SLC4A5: variants seen among roughly 807,000 people sequenced by gnomAD.
SLC4A5 encodes electrogenic sodium bicarbonate cotransporter 4.
In SLC4A5, 96 loss-of-function variants were observed where a neutral mutation model predicts 120.4. The ratio of observed to expected loss-of-function variants is 0.80; its 90% CI spans 0.68 to 0.94. The LOEUF is 0.94. Among genes scored for constraint, SLC4A5 ranks in the 40% least tolerant of loss-of-function variants. SLC4A5 has a pLI of 0.00. For synonymous variants in SLC4A5, 550 were observed against 571.1 expected, an observed-to-expected ratio of 0.96 and a Z score of 0.53; for missense variants, 1,259 against 1,459.5, an observed-to-expected ratio of 0.86 and a Z score of 2.24.
At chr2:74,319,431 G>A (rs1673042951) in intron 5 of SLC4A5, 1 of 151,956 alleles carries the variant, frequency 6.6e-6, no homozygotes, top group Non-Finnish European at 1.5e-5. Context: ...TACTAAAACT[G>A]GAATAATAAA....
intron 23 of SLC4A5, 141 bp from the exon 24 acceptor site, chr2:74,232,788 T>G (rs1670139353): frequency 9.4e-7 from 1 of 1,060,294 alleles, no homozygotes. Context: ...TTGCAAGGAT[T>G]GCAGAGGTGG....
At chr2:74,304,106 C>T (rs1033313831) in intron 7 of SLC4A5, among the ~76,000 whole-genome samples, 2 of 152,144 alleles carry the variant, frequency 1.3e-5, no homozygotes, top group African/African-American at 4.8e-5. Context: ...ACCTCGGCCT[C>T]CCAAAGTGCT....
At chr2:74,278,116 G>A (rs1671702119) in intron 8 of SLC4A5, among the ~76,000 whole-genome samples, 2 of 152,268 alleles carry the variant, frequency 1.3e-5, no homozygotes, top group South Asian at 4.1e-4. Context: ...TGACATGAAG[G>A]TGGTCTGATG....
intron 8 of SLC4A5, among the ~76,000 whole-genome samples, chr2:74,280,378 GCC>G (rs1671775163): frequency 6.6e-6 from 1 of 152,100 alleles, no homozygotes; most frequent in South Asian, 2.1e-4. Context: ...ATTACCAAAT[GCC>G]CCCTTATTTG....
chr2:74,340,114 T>C (rs1429899663), intron 2 of SLC4A5, among the ~76,000 whole-genome samples: 7 of 152,178 alleles, frequency 4.6e-5, no homozygotes, highest in Admixed American at 4.6e-4. Flanking sequence ...AAATGGATGG[T>C]GGTGATGGTT....
chr2:74,285,556 A>G (rs910268868), intron 8 of SLC4A5, among the ~76,000 whole-genome samples: 26 of 152,312 alleles, frequency 1.7e-4, no homozygotes, highest in African/African-American at 5.8e-4. Context: ...TGACTGTTCT[A>G]TCTTCCCACT....
Position 74,302,902 on chromosome 2 carries a change from T to C in SLC4A5, c.271+1587A>G, listed in dbSNP as rs1179723810. On this transcript the variant is annotated intron_variant, in intron 7 of 30. Coordinates refer to ENST00000394019, the Ensembl canonical transcript of SLC4A5. ...GAGGTGGTGAGGTGACAGGGGAACA[T>C]CTCAGAGACCATGTCAGTATGTGTG... Among the ~76,000 whole-genome samples the C allele has an allele frequency of 2.0e-5, 3 of 152,240 alleles. No homozygotes were observed. The East Asian group carries it at 5.8e-4, about 29-fold the overall frequency.
intron 8 of SLC4A5, among the ~76,000 whole-genome samples, chr2:74,276,427 C>T (rs1470409450): frequency 6.6e-6 from 1 of 152,204 alleles, no homozygotes; most frequent in Non-Finnish European, 1.5e-5. Context: ...CTCCTAGACT[C>T]AGAAGTTAGA....
At chr2:74,266,862 TA>T (rs1671318064) in intron 8 of SLC4A5, among the ~76,000 whole-genome samples, 1 of 152,160 alleles carries the variant, frequency 6.6e-6, no homozygotes, top group Admixed American at 6.5e-5. Flanking sequence ...AAAACTTCTA[TA>T]TAGTAAAATA....
chr2:74,221,297 T>C, intron 30 of SLC4A5, 137 bp downstream of exon 30: 1 of 602,044 alleles, frequency 1.7e-6, no homozygotes. Flanking sequence ...TTTGTCAGCC[T>C]TTGACTCCCA....
chr2:74,254,760 A>T, intron 13 of SLC4A5, 54 bp from the exon 14 acceptor site: 1 of 1,312,746 alleles, frequency 7.6e-7, no homozygotes, highest in South Asian at 1.2e-5. Context: ...GGAGCATGAA[A>T]GTGAGAAGGA....
intron 20 of SLC4A5, among the ~76,000 whole-genome samples, chr2:74,241,137 G>A (rs1313790523): frequency 6.6e-6 from 1 of 151,984 alleles, no homozygotes; most frequent in African/African-American, 2.4e-5. Flanking sequence ...GGGGTCCTAG[G>A]CAGAAAGAGA....
intron 6 of SLC4A5, among the ~76,000 whole-genome samples, chr2:74,312,107 C>T (rs1483647782): frequency 6.6e-6 from 1 of 152,124 alleles, no homozygotes; most frequent in Non-Finnish European, 1.5e-5. Flanking sequence ...TCTTCTTTGT[C>T]TGAAATTAAG....
At chr2:74,223,533 G>A (rs146953910) in intron 28 of SLC4A5, among the ~76,000 whole-genome samples, 7 of 152,150 alleles carry the variant, frequency 4.6e-5, no homozygotes, top group African/African-American at 1.7e-4. Flanking sequence ...CAGTCACTTG[G>A]GAATGAACCT....
chr2:74,243,523 C>A (rs1446748454), intron 19 of SLC4A5, among the ~76,000 whole-genome samples: 1 of 152,148 alleles, frequency 6.6e-6, no homozygotes, highest in Non-Finnish European at 1.5e-5. Flanking sequence ...GGTTCTATTG[C>A]CTTTCCTCAC....
rs767712556 is a variant in SLC4A5 at position 74,314,940 on chromosome 2, C to G, written c.79+5G>C. 6.2e-7 allele frequency: 1 copy of G among 1,613,444 alleles called. No homozygotes were observed. Among genetic ancestry groups the G allele is most frequent in the Non-Finnish European group, 8.5e-7 (1 of 1,179,452 alleles). On this transcript the variant is annotated splice_donor_5th_base_variant and intron_variant, in intron 6 of 30. Transcript: ENST00000394019. ...ATTTGCATCAAGTCCTCAAAGTGAC[C>G]TCACCTTTCTGATCCGGAAATCTCC... is the stretch of plus-strand genomic sequence containing the variant.
At chr2:74,315,782 G>A (rs1334366560) in intron 5 of SLC4A5, among the ~76,000 whole-genome samples, 1 of 151,770 alleles carries the variant, frequency 6.6e-6, no homozygotes, top group East Asian at 1.9e-4. Flanking sequence ...GGGTGACAGA[G>A]TGAGACTCTA....
At chr2:74,250,251 C>T in intron 17 of SLC4A5, 92 bp downstream of exon 17, 6 of 1,357,814 alleles carry the variant, frequency 4.4e-6, no homozygotes, top group Non-Finnish European at 5.1e-6. Flanking sequence ...GTAGATGAAA[C>T]CTTGGTTTTG....
At chr2:74,240,662 G>C (rs1473264071) in intron 20 of SLC4A5, among the ~76,000 whole-genome samples, 1 of 151,772 alleles carries the variant, frequency 6.6e-6, no homozygotes, top group Non-Finnish European at 1.5e-5. Context: ...CCAGCTACTC[G>C]AGAGGCTGAG....
Sources: allele counts gnomAD v4.1 joint callset (sites outside exome capture counted in the v4.1 genomes callset), GRCh38; gene constraint gnomAD v4.1.1; transcripts MANE v1.5; gene names NCBI Gene and HGNC (gene_info 2026-07-23, HGNC 2026-07-21).